Variants in CCDC138 observed in about 807,000 individuals in gnomAD.
CCDC138 encodes coiled-coil domain containing 138.
In CCDC138, 66 loss-of-function variants were observed where a neutral mutation model predicts 82.3. The observed-to-expected ratio is 0.80, with a 90% CI of 0.66 to 0.98. The LOEUF (loss-of-function observed/expected upper bound fraction) is 0.98, where lower values mean the gene tolerates loss of function less well. Ranked by LOEUF, CCDC138 falls within the 50% of genes least tolerant of loss-of-function variation. The pLI is 0.00. For synonymous variants in CCDC138, 297 were observed against 265.4 expected (o/e 1.12, Z -1.16); for missense variants, 816 against 758.9 (o/e 1.08, Z -0.88).
At chr2:108,860,422 GA>G (rs1041098731) in intron 13 of CCDC138, among the ~76,000 whole-genome samples, 8 of 151,986 alleles carry the variant, frequency 5.3e-5, no homozygotes, top group Admixed American at 3.9e-4. Flanking sequence ...GATTTTGGGG[GA>G]AACCCTTTCA....
At chr2:108,863,634 T>C (rs1475344935) in intron 13 of CCDC138, among the ~76,000 whole-genome samples, 1 of 152,258 alleles carries the variant, frequency 6.6e-6, no homozygotes, top group Non-Finnish European at 1.5e-5. Context: ...CTTTTAAATA[T>C]ATTTCTACAT....
At chr2:108,839,555 T>A (rs1689118472) in intron 11 of CCDC138, among the ~76,000 whole-genome samples, 1 of 152,168 alleles carries the variant, frequency 6.6e-6, no homozygotes. Flanking sequence ...AACTTTGATT[T>A]ATCAGTGTTG....
chr2:108,845,067 T>G (rs914911010), intron 11 of CCDC138, among the ~76,000 whole-genome samples: 2 of 152,020 alleles, frequency 1.3e-5, no homozygotes, highest in African/African-American at 4.8e-5. Context: ...TTCAAGTTTA[T>G]TTTTTCATTA....
intron 12 of CCDC138, 118 bp downstream of exon 12, chr2:108,847,048 T>C: frequency 1.5e-6 from 1 of 665,132 alleles, no homozygotes; most frequent in Non-Finnish European, 2.6e-6. Context: ...TGAATTGTTT[T>C]ATAATGGTTA....
At chr2:108,821,990 G>C (rs2150063525) in intron 10 of CCDC138, among the ~76,000 whole-genome samples, 1 of 150,862 alleles carries the variant, frequency 6.6e-6, no homozygotes. Flanking sequence ...GCAAATAGAT[G>C]AAATCAAAAA....
chr2:108,826,004 A>G (rs1252681570), intron 10 of CCDC138, among the ~76,000 whole-genome samples: 2 of 152,192 alleles, frequency 1.3e-5, no homozygotes, highest in African/African-American at 2.4e-5. Context: ...TTCCCTGATG[A>G]CTAATGTTGA....
intron 11 of CCDC138, among the ~76,000 whole-genome samples, chr2:108,842,778 T>A (rs531374875): frequency 2.0e-5 from 3 of 152,294 alleles, no homozygotes; most frequent in East Asian, 3.9e-4. Flanking sequence ...GCTTCTAGGG[T>A]GAAAAAGTCC....
intron 7 of CCDC138, among the ~76,000 whole-genome samples, chr2:108,809,370 A>G (rs1279644765): frequency 6.6e-6 from 1 of 151,974 alleles, no homozygotes; most frequent in African/African-American, 2.4e-5. Context: ...TGGTATTTTA[A>G]TAAACATTAT....
chr2:108,866,536 T>C (rs1694437557), intron 13 of CCDC138, among the ~76,000 whole-genome samples: 2 of 152,220 alleles, frequency 1.3e-5, no homozygotes, highest in Admixed American at 6.5e-5. Context: ...TACAAGCATT[T>C]GACCACTTCC....
At chr2:108,797,228 C>G (rs972134687) in intron 5 of CCDC138, among the ~76,000 whole-genome samples, 1 of 152,050 alleles carries the variant, frequency 6.6e-6, no homozygotes, top group African/African-American at 2.4e-5. Flanking sequence ...AATTAAGTGA[C>G]AGTAGAGGAA....
In CCDC138 at chr2:108,840,793, T is replaced by C. The variant is rs964726058; in HGVS notation, c.1323+1492T>C. Among the ~76,000 whole-genome samples the C allele has an allele frequency of 2.9e-5, 4 of 138,254 alleles. No homozygotes were observed. In the East Asian group the frequency reaches 8.1e-4, roughly 28 times the overall value. The allele number at this position is 138,254 out of a possible 152,430, so 90.7% of individuals were successfully genotyped here. A position where few individuals can be genotyped will look rare whatever the true frequency, so the allele number is the denominator to read the frequency against. ...ATCATCTCTTTGTTTCATTTCTTTT[T>C]TTCTTTTTTTCTTTTTTTCTTTTTA... On this transcript the variant is annotated intron_variant, in intron 11 of 14. Coordinates refer to ENST00000295124, the MANE Select transcript of CCDC138 (RefSeq NM_144978.3).
intron 11 of CCDC138, among the ~76,000 whole-genome samples, chr2:108,841,551 T>C (rs1282264524): frequency 6.6e-6 from 1 of 152,232 alleles, no homozygotes; most frequent in Admixed American, 6.5e-5. Context: ...CTGATACTAA[T>C]ATAGAGACTT....
chr2:108,835,472 T>G (rs949263693), intron 10 of CCDC138, among the ~76,000 whole-genome samples: 6 of 152,170 alleles, frequency 3.9e-5, no homozygotes, highest in African/African-American at 1.4e-4. Context: ...CAAATGAAAT[T>G]CACCACTGAT....
At chr2:108,852,093 G>A (rs991621279) in intron 12 of CCDC138, among the ~76,000 whole-genome samples, 3 of 151,988 alleles carry the variant, frequency 2.0e-5, no homozygotes, top group Non-Finnish European at 4.4e-5. Flanking sequence ...GTTATAGGCC[G>A]AGCACTTTAT....
intron 10 of CCDC138, among the ~76,000 whole-genome samples, chr2:108,837,842 A>AG (rs1688823427): frequency 6.6e-6 from 1 of 152,154 alleles, no homozygotes; most frequent in Non-Finnish European, 1.5e-5. Flanking sequence ...TGACTGTAAG[A>AG]GAGTATATGG....
intron 10 of CCDC138, among the ~76,000 whole-genome samples, chr2:108,819,511 T>C (rs1012912335): frequency 2.0e-5 from 3 of 152,172 alleles, no homozygotes; most frequent in African/African-American, 7.2e-5. Flanking sequence ...TGCGGAGATC[T>C]GCACTTCTGC....
At chr2:108,811,247 C>CTTTTTTTTT (rs55661786) in intron 7 of CCDC138, among the ~76,000 whole-genome samples, 17 of 113,870 alleles carry the variant, frequency 1.5e-4, no homozygotes, top group African/African-American at 6.5e-4. Context: ...TTCTCTCTCT[C>CTTTTTTTTT]TTTTTTTTTT....
chr2:108,807,385 T>C (rs1683043731), intron 7 of CCDC138, among the ~76,000 whole-genome samples: 1 of 152,174 alleles, frequency 6.6e-6, no homozygotes, highest in Non-Finnish European at 1.5e-5. Context: ...TAAAATTATT[T>C]TTAATTGACA....
At position 108,838,259 on chromosome 2, in the gene CCDC138, G is replaced by A. The variant is rs1031153533; in HGVS notation, c.1207-926G>A. Among the ~76,000 whole-genome samples the A allele has an allele frequency of 3.9e-5, 6 of 152,194 alleles. No homozygotes were observed. The East Asian group carries it at 1.2e-3, about 29-fold the overall frequency. ...ATCTAAGAATTGGCTGGTCCAGGGA[G>A]GGGCAATCTCTCCCCAACTGGAAAG... is the stretch of plus-strand genomic sequence containing the variant. On this transcript the variant is annotated intron_variant, in intron 10 of 14. Coordinates refer to ENST00000295124, the MANE Select transcript of CCDC138 (RefSeq NM_144978.3).
Sources: allele counts gnomAD v4.1 joint callset (sites outside exome capture counted in the v4.1 genomes callset), GRCh38; gene constraint gnomAD v4.1.1; transcripts MANE v1.5; gene names NCBI Gene and HGNC (gene_info 2026-07-23, HGNC 2026-07-21).